TNS3: variants seen among roughly 807,000 people sequenced by gnomAD.
TNS3 encodes the protein tensin 3.
In TNS3, 45 loss-of-function variants were observed where a neutral mutation model predicts 140.9. The ratio of observed to expected loss-of-function variants is 0.32; its 90% CI spans 0.25 to 0.41. TNS3 has a LOEUF of 0.41. TNS3 is among the 10% of genes least tolerant of loss of function. The pLI is 1.00. For missense variants in TNS3, 1,716 were observed against 1,906.7 expected (o/e 0.90, Z 1.86); for synonymous variants, 815 against 788.4 (o/e 1.03, Z -0.56).
chr7:47,304,717 G>C, intron 21 of TNS3, 115 bp downstream of exon 21: 2 of 1,102,902 alleles, frequency 1.8e-6, no homozygotes, highest in Non-Finnish European at 2.4e-6. Flanking sequence ...GCCAGTCCCT[G>C]CCTGGTCTAG....
chr7:47,368,461 C>T lies in TNS3; in HGVS notation c.2185G>A (p.Gly729Ser). 6.3e-7 allele frequency: 1 copy of T among 1,585,880 alleles called. No homozygotes were observed. Among genetic ancestry groups the T allele is most frequent in the Non-Finnish European group, 8.6e-7 (1 of 1,160,478 alleles). The stretch of plus-strand genomic sequence containing the variant: ...CCCACGCTGTCTGGAGACACAGAGC[C>T]ATTGGCCTGGCTACCGAGGGCGTTC... ...HMNALGSQANGSVSPDSVGGG... is the reference protein window; with the variant it reads ...HMNALGSQANSSVSPDSVGGG... Residue 729 changes from glycine (G) to serine (S), a missense_variant, in exon 17 of 31, where the codon GGC (glycine) becomes AGC (serine). Gly to Ser is a moderately conservative substitution (Grantham distance 56). Transcript: ENST00000311160.
chr7:47,305,610 C>T (rs1786704846), intron 20 of TNS3, among the ~76,000 whole-genome samples: 1 of 152,242 alleles, frequency 6.6e-6, no homozygotes, highest in Non-Finnish European at 1.5e-5. Flanking sequence ...CCCGCTGCTT[C>T]AAAGGCCACA....
chr7:47,462,302 C>T (rs1796522497), intron 4 of TNS3, among the ~76,000 whole-genome samples: 1 of 152,178 alleles, frequency 6.6e-6, no homozygotes, highest in Non-Finnish European at 1.5e-5. Flanking sequence ...CACTCTATTC[C>T]TGACATAATG....
At chr7:47,567,239 TTATC>T (rs1562860766) in intron 1 of TNS3, among the ~76,000 whole-genome samples, 1 of 152,136 alleles carries the variant, frequency 6.6e-6, no homozygotes, top group Admixed American at 6.6e-5. Context: ...GATGTCATGA[TTATC>T]TACATGGGAA....
intron 27 of TNS3, among the ~76,000 whole-genome samples, chr7:47,290,618 T>C (rs1231960001): frequency 1.3e-5 from 2 of 152,140 alleles, no homozygotes; most frequent in Non-Finnish European, 2.9e-5. Context: ...TCATAAGTCA[T>C]CAGAAACAAT....
chr7:47,538,997 A>G, intron 1 of TNS3: 1 of 456,498 alleles, frequency 2.2e-6, no homozygotes, highest in Admixed American at 2.3e-5. Context: ...CAAACAGCTA[A>G]GAACAGGATA....
At chr7:47,441,219 G>A (rs1704972) in intron 5 of TNS3, among the ~76,000 whole-genome samples, 41,947 of 151,624 alleles carry the variant, frequency 0.28, 6,519 homozygotes, top group Non-Finnish European at 0.34. Context: ...TCGCTCTGTC[G>A]CCAGGCTGGA....
intron 2 of TNS3, among the ~76,000 whole-genome samples, chr7:47,523,395 G>A (rs529150708): frequency 8.2e-4 from 125 of 152,336 alleles, no homozygotes; most frequent in African/African-American, 2.9e-3. Flanking sequence ...CTATGCCACA[G>A]AAAGAAGAAG....
At chr7:47,577,970 T>C (rs1800712763) in intron 1 of TNS3, among the ~76,000 whole-genome samples, 1 of 151,886 alleles carries the variant, frequency 6.6e-6, no homozygotes. Flanking sequence ...TAATCTTTCA[T>C]TCATTTTGCC....
intron 1 of TNS3, chr7:47,579,833 A>G: frequency 1.5e-5 from 15 of 985,166 alleles, no homozygotes; most frequent in Non-Finnish European, 1.8e-5. Context: ...CAGCCCTTCC[A>G]CTCACTGTTC....
chr7:47,463,418 T>C (rs1175592903), intron 4 of TNS3, among the ~76,000 whole-genome samples: 1 of 152,190 alleles, frequency 6.6e-6, no homozygotes, highest in Non-Finnish European at 1.5e-5. Context: ...CACTCCGGCC[T>C]GGGTGACAAA....
At chr7:47,507,208 CGGTCATGAGCAGATTGGTTTTTCAAGG>C (rs1378700163) in intron 2 of TNS3, among the ~76,000 whole-genome samples, 3 of 152,090 alleles carry the variant, frequency 2.0e-5, no homozygotes, top group Admixed American at 6.6e-5. Context: ...CTTGGGAGCA[CGGTCATGAGCAGATTGGTTTTTCAAGG>C]GGTCATGAGC....
chr7:47,402,171 T>C (rs1793204131), intron 13 of TNS3, among the ~76,000 whole-genome samples: 1 of 152,078 alleles, frequency 6.6e-6, no homozygotes, highest in African/African-American at 2.4e-5. Flanking sequence ...GAGCTGTGAC[T>C]CCAGGCAGAC....
chr7:47,445,084 G>A (rs1352028558), intron 4 of TNS3, among the ~76,000 whole-genome samples: 2 of 152,126 alleles, frequency 1.3e-5, no homozygotes, highest in African/African-American at 4.8e-5. Context: ...AATTTTCTAT[G>A]TAAGTCTACA....
chr7:47,424,020 G>T, intron 10 of TNS3, 81 bp downstream of exon 10: 1 of 1,374,634 alleles, frequency 7.3e-7, no homozygotes, highest in Non-Finnish European at 1.0e-6. Flanking sequence ...CGGGACAGAG[G>T]AGATGCCTCT....
chr7:47,526,690 A>G (rs949839598), intron 2 of TNS3, among the ~76,000 whole-genome samples: 10 of 152,172 alleles, frequency 6.6e-5, no homozygotes, highest in African/African-American at 2.4e-4. Flanking sequence ...GGACGTCATC[A>G]CAGGGTAAGG....
chr7:47,556,988 C>T (rs376656096), intron 1 of TNS3: 2 of 455,372 alleles, frequency 4.4e-6, no homozygotes, highest in African/African-American at 2.0e-5. Context: ...CCATGCCCCC[C>T]ACAGACGATA....
intron 3 of TNS3, among the ~76,000 whole-genome samples, chr7:47,496,510 G>A (rs894558081): frequency 1.3e-5 from 2 of 152,222 alleles, no homozygotes; most frequent in Non-Finnish European, 1.5e-5. Context: ...GGAATCAGCA[G>A]AGGCTGCCAA....
chr7:47,510,900 G>A (rs532806510), intron 2 of TNS3, among the ~76,000 whole-genome samples: 22 of 150,676 alleles, frequency 1.5e-4, no homozygotes, highest in African/African-American at 5.1e-4. Flanking sequence ...CCATCACCAG[G>A]GCCTAACAAC....
Sources: allele counts gnomAD v4.1 joint callset (sites outside exome capture counted in the v4.1 genomes callset), GRCh38; gene constraint gnomAD v4.1.1; transcripts MANE v1.5; gene names NCBI Gene and HGNC (gene_info 2026-07-23, HGNC 2026-07-21).